The following STXBP5L variants were observed in gnomAD, a reference collection of about 807,000 sequenced individuals.
STXBP5L encodes the protein syntaxin binding protein 5L.
A neutral mutation model predicts 144.5 loss-of-function variants in STXBP5L; 65 were observed. The observed-to-expected ratio is 0.45, with a 90% CI of 0.37 to 0.55. STXBP5L has a LOEUF of 0.55. Among genes scored for constraint, STXBP5L ranks in the 20% least tolerant of loss-of-function variants. STXBP5L has a pLI of 0.00. For missense variants in STXBP5L, 1,298 were observed against 1,405.5 expected, an observed-to-expected ratio of 0.92 and a Z score of 1.22; for synonymous variants, 505 against 469.6, an observed-to-expected ratio of 1.08 and a Z score of -0.97.
intron 3 of STXBP5L, among the ~76,000 whole-genome samples, chr3:121,036,817 A>C (rs1418406476): frequency 8.4e-6 from 1 of 119,556 alleles, no homozygotes; most frequent in Non-Finnish European, 1.6e-5. Context: ...TTTAGGGTAC[A>C]TGTGCACATT....
intron 20 of STXBP5L, among the ~76,000 whole-genome samples, chr3:121,354,024 T>C (rs2045406350): frequency 6.6e-6 from 1 of 152,224 alleles, no homozygotes; most frequent in Non-Finnish European, 1.5e-5. Flanking sequence ...AGTTCTAATT[T>C]GATTGCACTG....
chr3:121,372,158 G>A (rs760417260), intron 20 of STXBP5L, among the ~76,000 whole-genome samples: 2 of 152,092 alleles, frequency 1.3e-5, no homozygotes, highest in East Asian at 1.9e-4. Flanking sequence ...CAGCACAGGA[G>A]CTATGATAAG....
intron 5 of STXBP5L, among the ~76,000 whole-genome samples, chr3:121,080,248 G>A (rs886178495): frequency 2.6e-5 from 4 of 152,126 alleles, no homozygotes; most frequent in Non-Finnish European, 5.9e-5. Context: ...GAAGACAACA[G>A]ATATTGGGTT....
intron 20 of STXBP5L, among the ~76,000 whole-genome samples, chr3:121,336,484 G>A (rs890270873): frequency 6.6e-6 from 1 of 151,818 alleles, no homozygotes; most frequent in African/African-American, 2.4e-5. Flanking sequence ...GCGTCAGCAA[G>A]ACCCTGTCTC....
intron 22 of STXBP5L, among the ~76,000 whole-genome samples, chr3:121,387,175 A>G (rs1329663731): frequency 2.0e-5 from 3 of 152,052 alleles, no homozygotes; most frequent in African/African-American, 7.2e-5. Flanking sequence ...GCATTTTTTC[A>G]TGTGTCTGTT....
chr3:121,056,848 C>T (rs1461725327), intron 5 of STXBP5L, among the ~76,000 whole-genome samples: 1 of 151,282 alleles, frequency 6.6e-6, no homozygotes, highest in Non-Finnish European at 1.5e-5. Flanking sequence ...AATAGAAAAC[C>T]ATATATTTTT....
intron 3 of STXBP5L, among the ~76,000 whole-genome samples, chr3:120,978,199 C>T (rs371942915): frequency 2.2e-4 from 34 of 152,244 alleles, no homozygotes; most frequent in South Asian, 1.7e-3. Context: ...ATGTAGATTC[C>T]GTCTTTTCAC....
intron 20 of STXBP5L, among the ~76,000 whole-genome samples, chr3:121,335,804 A>T (rs2044484985): frequency 6.6e-6 from 1 of 152,158 alleles, no homozygotes; most frequent in Non-Finnish European, 1.5e-5. Flanking sequence ...AAAACCCAAA[A>T]CTATAAAAAC....
intron 20 of STXBP5L, among the ~76,000 whole-genome samples, chr3:121,349,159 CT>C (rs2045153426): frequency 6.6e-6 from 1 of 152,040 alleles, no homozygotes; most frequent in Non-Finnish European, 1.5e-5. Flanking sequence ...TACGTTGTGT[CT>C]TTGTTCTCAT....
chr3:121,099,781 A>T (rs1361834293), intron 5 of STXBP5L: 1 of 152,240 alleles, frequency 6.6e-6, no homozygotes, highest in Non-Finnish European at 1.5e-5. Context: ...AGTCCTTAAA[A>T]ATGCCCCACT....
chr3:121,157,701 T>C, intron 9 of STXBP5L, 74 bp downstream of exon 9: 1 of 1,528,272 alleles, frequency 6.5e-7, no homozygotes, highest in Non-Finnish European at 8.7e-7. Context: ...GAGATGGTAT[T>C]AATGCGTTTG....
intron 3 of STXBP5L, among the ~76,000 whole-genome samples, chr3:120,988,445 A>AG (rs2107936101): frequency 6.6e-6 from 1 of 152,026 alleles, no homozygotes; most frequent in South Asian, 2.1e-4. Flanking sequence ...GTTTAATTCC[A>AG]TTGTGTTAAG....
chr3:120,996,697 A>G (rs936766987), intron 3 of STXBP5L, among the ~76,000 whole-genome samples: 1 of 152,126 alleles, frequency 6.6e-6, no homozygotes, highest in Non-Finnish European at 1.5e-5. Context: ...ATATATGTGT[A>G]ATCACACACT....
intron 9 of STXBP5L, among the ~76,000 whole-genome samples, chr3:121,161,392 G>C (rs766282267): frequency 6.6e-6 from 1 of 151,940 alleles, no homozygotes; most frequent in African/African-American, 2.4e-5. Flanking sequence ...TGAGGAATCT[G>C]TAGTAGCTTG....
chr3:121,277,713 T>C (rs2050927912), intron 18 of STXBP5L, among the ~76,000 whole-genome samples: 1 of 152,044 alleles, frequency 6.6e-6, no homozygotes, highest in African/African-American at 2.4e-5. Context: ...TTTACGTTTT[T>C]GGTGGTATTT....
At chr3:121,144,016 T>C (rs2045615619) in intron 7 of STXBP5L, among the ~76,000 whole-genome samples, 1 of 151,120 alleles carries the variant, frequency 6.6e-6, no homozygotes, top group South Asian at 2.1e-4. Flanking sequence ...AGCTTCTGCA[T>C]AGCAAAAGAA....
chr3:121,100,914 A>G (rs192195885), intron 5 of STXBP5L, among the ~76,000 whole-genome samples: 47 of 152,258 alleles, frequency 3.1e-4, no homozygotes, highest in African/African-American at 8.9e-4. Context: ...AGGTGACATT[A>G]TAACTGATCC....
intron 4 of STXBP5L, among the ~76,000 whole-genome samples, chr3:121,044,434 C>G (rs1035122175): frequency 6.6e-6 from 1 of 152,208 alleles, no homozygotes; most frequent in African/African-American, 2.4e-5. Flanking sequence ...TATCGTTCTT[C>G]CTAGCATCTA....
intron 9 of STXBP5L, among the ~76,000 whole-genome samples, chr3:121,204,594 C>T (rs145070550): frequency 1.4e-5 from 2 of 146,194 alleles, no homozygotes; most frequent in African/African-American, 4.9e-5. Flanking sequence ...TGCATGTAAA[C>T]TTCTATGTAA....
Sources: allele counts gnomAD v4.1 joint callset (sites outside exome capture counted in the v4.1 genomes callset), GRCh38; gene constraint gnomAD v4.1.1; transcripts MANE v1.5; gene names NCBI Gene and HGNC (gene_info 2026-07-23, HGNC 2026-07-21).